The following LEPR variants were observed in gnomAD, a reference collection of about 807,000 sequenced individuals.
LEPR encodes OB receptor.
Under a neutral mutation model 114.7 loss-of-function variants are expected in LEPR, and 56 were observed. The observed-to-expected ratio is 0.49, with a 90% CI of 0.39 to 0.61. The LOEUF (loss-of-function observed/expected upper bound fraction) is 0.61, where lower values mean the gene tolerates loss of function less well. LEPR is among the 20% of genes least tolerant of loss of function. The pLI is 0.00. For missense variants in LEPR, 1,202 were observed against 1,352.9 expected, an observed-to-expected ratio of 0.89 and a Z score of 1.75; for synonymous variants, 443 against 461.4, an observed-to-expected ratio of 0.96 and a Z score of 0.51.
chr1:65,572,317 T>TTA lies in LEPR; in HGVS notation c.371-9_371-8insTA. On this transcript the variant is annotated splice_polypyrimidine_tract_variant and intron_variant, in intron 4 of 19. Transcript: ENST00000349533. ...TTTTTTTTTTTTTTTTTTTTTTTTT[T>TTA]AAATTCAGATGCAAACTGGAACATA... 3 of 1,223,862 alleles carry TTA rather than the reference T, an allele frequency of 2.5e-6. No individual in the cohort carries two copies. In the South Asian group the frequency reaches 4.3e-5, roughly 18 times the overall value. The allele number at this position is 1,223,862 out of a possible 1,614,324, so 75.8% of individuals were successfully genotyped here.
At chr1:65,616,396 A>T (rs1230725625) in intron 15 of LEPR, among the ~76,000 whole-genome samples, 172 bp downstream of exon 15, 3 of 152,148 alleles carry the variant, frequency 2.0e-5, no homozygotes, top group Non-Finnish European at 4.4e-5. Context: ...TTGTACAATG[A>T]TCACATAATA....
chr1:65,592,439 C>T (rs1655766368), intron 5 of LEPR, among the ~76,000 whole-genome samples: 1 of 150,858 alleles, frequency 6.6e-6, no homozygotes, highest in South Asian at 2.1e-4. Context: ...TAGTACTTCA[C>T]TTTTACGTCA....
At chr1:65,546,201 G>T (rs939705088) in intron 2 of LEPR, among the ~76,000 whole-genome samples, 2 of 152,150 alleles carry the variant, frequency 1.3e-5, no homozygotes, top group South Asian at 2.1e-4. Flanking sequence ...TGCTGTTTTG[G>T]TTACTGTAGC....
chr1:65,518,049 CTGTT>C (rs1160735273), intron 2 of LEPR, among the ~76,000 whole-genome samples: 1 of 152,096 alleles, frequency 6.6e-6, no homozygotes, highest in Non-Finnish European at 1.5e-5. Context: ...ATGCAGAGTC[CTGTT>C]TCTCCAGAGG....
intron 14 of LEPR, among the ~76,000 whole-genome samples, chr1:65,614,119 A>G (rs1010505993): frequency 6.6e-6 from 1 of 152,206 alleles, no homozygotes; most frequent in African/African-American, 2.4e-5. Flanking sequence ...GCTGATTTGA[A>G]AACTTAAGTC....
intron 2 of LEPR, among the ~76,000 whole-genome samples, chr1:65,461,605 AT>A (rs1391592746): frequency 3.9e-5 from 6 of 152,244 alleles, no homozygotes; most frequent in African/African-American, 1.4e-4. Flanking sequence ...GTAGTGGAGA[AT>A]AGGTGGATCT....
intron 2 of LEPR, chr1:65,434,012 A>G (rs147407267): frequency 3.0e-6 from 3 of 985,306 alleles, no homozygotes; most frequent in Admixed American, 6.1e-5. Flanking sequence ...ATTCATTTCT[A>G]CTACATTTTG....
chr1:65,424,884 C>T (rs1434668718), intron 1 of LEPR, among the ~76,000 whole-genome samples: 1 of 152,166 alleles, frequency 6.6e-6, no homozygotes, highest in Admixed American at 6.5e-5. Flanking sequence ...CAAAGGTCCA[C>T]CTCCTGATAG....
At chr1:65,587,104 T>C (rs946609651) in intron 5 of LEPR, among the ~76,000 whole-genome samples, 2 of 152,088 alleles carry the variant, frequency 1.3e-5, no homozygotes, top group Non-Finnish European at 2.9e-5. Flanking sequence ...CTTTTCTTTT[T>C]GTCTTAAAAT....
At position 65,601,479 on chromosome 1, in the gene LEPR, T is replaced by C; in HGVS notation, c.1082T>C (p.Val361Ala). Residue 361 changes from valine to alanine, a missense_variant, in exon 9 of 20, where the codon GTT (valine) becomes GCT (alanine). Physicochemically the swap from Val to Ala is moderately conservative, Grantham distance 64. Transcript: ENST00000349533. ...HCIYKKENKI[V>A]PSKEIVWWMN... ...ATCTATAAGAAGGAAAACAAGATTG[T>C]TCCCTCAAAAGAGATTGTTTGGTGG... is the stretch of plus-strand genomic sequence containing the variant. The C allele has an allele frequency of 1.2e-6, 2 of 1,613,754 alleles. No homozygotes were observed. Among genetic ancestry groups the C allele is most frequent in the South Asian group, 1.1e-5 (1 of 91,074 alleles).
intron 2 of LEPR, among the ~76,000 whole-genome samples, chr1:65,541,320 T>C (rs1651177849): frequency 6.6e-6 from 1 of 152,244 alleles, no homozygotes; most frequent in Admixed American, 6.5e-5. Context: ...GCTTTTAGAT[T>C]ACACCGTAGG....
chr1:65,605,019 A>G lies in LEPR; in HGVS notation c.1404-19A>G, dbSNP rs1656722661. 1 of 1,609,874 alleles carries G rather than the reference A, an allele frequency of 6.2e-7. No homozygotes were observed. Among genetic ancestry groups the G allele is most frequent in the Non-Finnish European group, 8.5e-7 (1 of 1,179,576 alleles). The stretch of plus-strand genomic sequence containing the variant: ...TTTTATTAATGTATACTAATTGACT[A>G]TTTTTGTATCTTTTAAAGGAGCAGC... On this transcript the variant is annotated intron_variant, in intron 10 of 19. Transcript: ENST00000349533.
At position 65,616,188 on chromosome 1, in the gene LEPR, A is replaced by C; in HGVS notation, c.2176A>C (p.Asn726His). 6.2e-7 allele frequency: 1 copy of C among 1,614,068 alleles called. No individual in the cohort carries two copies. Among genetic ancestry groups the C allele is most frequent in the Non-Finnish European group, 8.5e-7 (1 of 1,179,964 alleles). The change falls in exon 15 of 20, where the codon AAT becomes CAT. Residue 726 changes from asparagine (N) to histidine (H), a missense_variant. Physicochemically the swap from Asn to His is moderately conservative, Grantham distance 68. Transcript: ENST00000349533. ...AINSIGASVA[N>H]FNLTFSWPMS... ...CAATTCAATTGGTGCTTCTGTTGCA[A>C]ATTTTAATTTAACCTTTTCATGGCC...
chr1:65,547,811 G>C (rs1651893775), intron 2 of LEPR, among the ~76,000 whole-genome samples: 1 of 87,050 alleles, frequency 1.1e-5, no homozygotes, highest in Admixed American at 1.2e-4. Context: ...ATTTCCTTCA[G>C]TTCTGCTCTG....
At chr1:65,547,666 T>G (rs960532168) in intron 2 of LEPR, among the ~76,000 whole-genome samples, 1 of 151,106 alleles carries the variant, frequency 6.6e-6, no homozygotes, top group African/African-American at 2.5e-5. Context: ...CCCTTTATCA[T>G]TTTTTATTGC....
At chr1:65,494,847 T>C (rs991160219) in intron 2 of LEPR, among the ~76,000 whole-genome samples, 7 of 152,122 alleles carry the variant, frequency 4.6e-5, no homozygotes, top group Non-Finnish European at 1.0e-4. Flanking sequence ...CTATCTATCA[T>C]GACCTGGGGC....
At chr1:65,452,810 G>A (rs1305988185) in intron 2 of LEPR, among the ~76,000 whole-genome samples, 1 of 152,130 alleles carries the variant, frequency 6.6e-6, no homozygotes, top group South Asian at 2.1e-4. Context: ...AGTTAGGGAG[G>A]ATTCCCTCTT....
chr1:65,606,788 A>T (rs1003634379), intron 11 of LEPR, among the ~76,000 whole-genome samples: 1 of 152,142 alleles, frequency 6.6e-6, no homozygotes, highest in Non-Finnish European at 1.5e-5. Flanking sequence ...AGTATATATC[A>T]TCTTCCTGGG....
In LEPR at chr1:65,495,827, C is replaced by T. The variant is rs367763910; in HGVS notation, c.-20-69719C>T. Among the ~76,000 whole-genome samples, 7 of 152,238 alleles carry T rather than the reference C, an allele frequency of 4.6e-5. No individual in the cohort carries two copies. The East Asian group carries it at 1.3e-3, about 29-fold the overall frequency. Reference sequence around the variant, plus strand: ...GAACGACACACACCACAAGATCTCACTCATATATGGTAGCTAAAAAAGTTG... The same window carrying T: ...GAACGACACACACCACAAGATCTCATTCATATATGGTAGCTAAAAAAGTTG... On this transcript the variant is annotated intron_variant, in intron 2 of 19. Transcript: ENST00000349533.
Sources: gnomAD v4.1 joint callset for allele counts (sites outside exome capture counted in the v4.1 genomes callset) on GRCh38, gnomAD v4.1.1 for gene constraint, MANE v1.5 for transcripts, NCBI Gene and HGNC (gene_info 2026-07-23, HGNC 2026-07-21) for gene names.